Variants in FAM135B observed in about 807,000 individuals in gnomAD.
FAM135B encodes family with sequence similarity 135 member B, also known as protein FAM135B.
In FAM135B, 43 loss-of-function variants were observed where a neutral mutation model predicts 127.7. The observed-to-expected ratio is 0.34, with a 90% CI of 0.26 to 0.43. The LOEUF (loss-of-function observed/expected upper bound fraction) is 0.43, where lower values mean the gene tolerates loss of function less well. Among genes scored for constraint, FAM135B ranks in the 20% least tolerant of loss-of-function variants. FAM135B has a pLI of 1.00. For synonymous variants in FAM135B, 670 were observed against 665.1 expected (o/e 1.01, Z -0.11); for missense variants, 1,558 against 1,725.6 (o/e 0.90, Z 1.72).
chr8:138,445,962 C>G (rs199535926), intron 1 of FAM135B, among the ~76,000 whole-genome samples: 9 of 151,854 alleles, frequency 5.9e-5, no homozygotes, highest in Non-Finnish European at 1.0e-4. Flanking sequence ...AAAGTCTCAG[C>G]ATACAAAATC....
chr8:138,430,690 G>C (rs1478548676), intron 1 of FAM135B, among the ~76,000 whole-genome samples: 1 of 152,072 alleles, frequency 6.6e-6, no homozygotes, highest in Non-Finnish European at 1.5e-5. Flanking sequence ...CGAGGACGGG[G>C]GTAAAAAGAC....
chr8:138,142,833 G>A (rs1038151608), intron 16 of FAM135B, 179 bp downstream of exon 16: 68 of 523,700 alleles, frequency 1.3e-4, no homozygotes, highest in African/African-American at 2.7e-4. Context: ...CTATGGCAGA[G>A]ATGAATGTGT....
intron 14 of FAM135B, among the ~76,000 whole-genome samples, chr8:138,147,863 T>C (rs1257334499): frequency 1.3e-5 from 2 of 152,206 alleles, no homozygotes; most frequent in African/African-American, 4.8e-5. Flanking sequence ...TTTAGTGTCA[T>C]ATACATGAGA....
intron 7 of FAM135B, among the ~76,000 whole-genome samples, chr8:138,226,184 T>TGTGTGTGTGTGTGTGTGCGCGCGCGCGC: frequency 0.011 from 1,534 of 139,096 alleles, 15 homozygotes; most frequent in Non-Finnish European, 0.018. Flanking sequence ...TGTGTGTGTG[T>TGTGTGTGTGTGTGTGTGCGCGCGCGCGC]GCGCGCATGT....
At chr8:138,287,343 A>G (rs1490526723) in intron 3 of FAM135B, among the ~76,000 whole-genome samples, 1 of 152,122 alleles carries the variant, frequency 6.6e-6, no homozygotes, top group Non-Finnish European at 1.5e-5. Context: ...AAACTAAAAC[A>G]GTGCTATATT....
At chr8:138,250,196 T>C (rs866254362) in intron 6 of FAM135B, among the ~76,000 whole-genome samples, 3 of 151,794 alleles carry the variant, frequency 2.0e-5, no homozygotes, top group African/African-American at 7.3e-5. Flanking sequence ...CTACTAAAAA[T>C]ACAAAAATTA....
At chr8:138,260,894 T>G (rs1011801337) in intron 4 of FAM135B, among the ~76,000 whole-genome samples, 2 of 152,134 alleles carry the variant, frequency 1.3e-5, no homozygotes, top group African/African-American at 4.8e-5. Flanking sequence ...AAATATGACC[T>G]TTGGCGGAGT....
chr8:138,444,227 C>T (rs1259758272), intron 1 of FAM135B, among the ~76,000 whole-genome samples: 3 of 152,136 alleles, frequency 2.0e-5, no homozygotes, highest in African/African-American at 7.2e-5. Context: ...CCACTGTCAA[C>T]ATTAGACAGG....
At position 138,250,929 on chromosome 8, in the gene FAM135B, C is replaced by G. The variant is rs748543787; in HGVS notation, c.454G>C (p.Val152Leu). Residue 152 changes from valine to leucine, a missense_variant, in exon 6 of 20, where the codon GTC (valine) becomes CTC (leucine). By Grantham distance (32) the Val-to-Leu change is conservative. Around this residue, in one of 5 missense-constraint regions of FAM135B, gnomAD observed 199 missense variants for 245.7 expected, o/e 0.81. Transcript: ENST00000395297. ...FHPRNGLHHQVPVMFDYFHLS... is the reference protein window; with the variant it reads ...FHPRNGLHHQLPVMFDYFHLS... ...TGGAAATAGTCGAACATGACCGGGACCTGGTGGTGCAGACCATTCCGGGGG... is the reference window on the plus strand; with the variant it reads ...TGGAAATAGTCGAACATGACCGGGAGCTGGTGGTGCAGACCATTCCGGGGG... 9 of 1,613,858 alleles carry G rather than the reference C, an allele frequency of 5.6e-6. No homozygotes were observed. The highest frequency in any genetic ancestry group is 7.6e-6 in the Non-Finnish European group (9 of 1,179,974).
At chr8:138,139,636 G>A (rs1816953342) in intron 17 of FAM135B, among the ~76,000 whole-genome samples, 1 of 152,116 alleles carries the variant, frequency 6.6e-6, no homozygotes, top group South Asian at 2.1e-4. Context: ...CATGGTGGCA[G>A]GCACCTGTAA....
chr8:138,352,539 A>G (rs185894509), intron 2 of FAM135B, among the ~76,000 whole-genome samples: 41 of 152,300 alleles, frequency 2.7e-4, no homozygotes, highest in African/African-American at 8.2e-4. Context: ...CCAGGCATCC[A>G]TTCATCTTCT....
rs752206205 is a variant in FAM135B at position 138,141,277 on chromosome 8, G to C, written c.3711C>G (p.Leu1237=). 1.5e-5 allele frequency: 25 copies of C among 1,614,162 alleles called. No homozygotes were observed. In the South Asian group the frequency reaches 2.5e-4, roughly 16 times the overall value. ...GTGACAGGAACGTGTGGAGTTTGTT[G>C]AGGTAATACCGGAACCGGGGCCGTG... ...VLTRPRFRYY[L]NKLHTFLSLS... Residue 1237 remains leucine (L), a synonymous_variant, in exon 17 of 20, where the codon CTC becomes CTG. Coordinates refer to ENST00000395297, the MANE Select transcript of FAM135B (RefSeq NM_015912.4). The surrounding 1 kb of genome is among the most constrained non-coding windows in gnomAD (Gnocchi z 4.7).
At chr8:138,198,766 C>G (rs181642142) in intron 7 of FAM135B, among the ~76,000 whole-genome samples, 2 of 152,292 alleles carry the variant, frequency 1.3e-5, no homozygotes, top group Non-Finnish European at 2.9e-5. Context: ...AAGGAAGGAA[C>G]AGGACAGTTT....
intron 12 of FAM135B, among the ~76,000 whole-genome samples, chr8:138,165,581 C>A (rs746754286): frequency 1.3e-5 from 2 of 152,206 alleles, no homozygotes; most frequent in Admixed American, 6.5e-5. Flanking sequence ...ACTAGAGGAT[C>A]TGCTAGTGGG....
chr8:138,208,076 T>A (rs1429766319), intron 7 of FAM135B, among the ~76,000 whole-genome samples: 1 of 152,168 alleles, frequency 6.6e-6, no homozygotes, highest in Admixed American at 6.5e-5. Flanking sequence ...CCTTGGATGA[T>A]GAGGCCACTG....
chr8:138,196,872 T>C (rs1446903422), intron 8 of FAM135B, among the ~76,000 whole-genome samples: 1 of 152,206 alleles, frequency 6.6e-6, no homozygotes, highest in East Asian at 1.9e-4. Context: ...CACACATTAC[T>C]GTGTGATGCT....
chr8:138,177,371 G>T lies in FAM135B; in HGVS notation c.1079C>A (p.Ala360Glu), dbSNP rs1428318507. 7.4e-6 allele frequency: 12 copies of T among 1,613,672 alleles called. No individual in the cohort carries two copies. In the African/African-American group the frequency reaches 1.5e-4, roughly 20 times the overall value. ...AFFYMEHQKL[A>E]VLTFQENLIQ... ...CAGATTCTCCTGAAATGTCAGGACT[G>T]CAAGTTTTTGGTGCTCCATGTAAAA... Residue 360 changes from alanine to glutamate, a missense_variant, in exon 11 of 20, where the codon GCA becomes GAA. This residue lies in a region of FAM135B where 115 missense variants were observed against 171.1 expected (regional missense o/e 0.67). Transcript: ENST00000395297.
At chr8:138,406,753 C>T (rs143669490) in intron 1 of FAM135B, among the ~76,000 whole-genome samples, 2,645 of 150,926 alleles carry the variant, frequency 0.018, 78 homozygotes, top group African/African-American at 0.06. Flanking sequence ...ATTGATGGGA[C>T]GTATCTCGAA....
chr8:138,147,069 C>A (rs1486926867), intron 14 of FAM135B, among the ~76,000 whole-genome samples: 2 of 152,090 alleles, frequency 1.3e-5, no homozygotes, highest in South Asian at 4.2e-4. Context: ...CCATACGCCC[C>A]CTATGTTGGT....
Sources: gnomAD v4.1 joint callset for allele counts (sites outside exome capture counted in the v4.1 genomes callset) on GRCh38, gnomAD v4.1.1 for gene constraint, gnomAD v4.1.1 regional missense constraint, Gnocchi (gnomAD v3.1) non-coding constraint, MANE v1.5 for transcripts, NCBI Gene and HGNC (gene_info 2026-07-23, HGNC 2026-07-21) for gene names.